PDE2A: variants seen among roughly 807,000 people sequenced by gnomAD.
PDE2A encodes phosphodiesterase 2A.
In PDE2A, 53 loss-of-function variants were observed where a neutral mutation model predicts 133.6. The ratio of observed to expected loss-of-function variants is 0.40; its 90% CI spans 0.32 to 0.50. PDE2A has a LOEUF of 0.50. Among genes scored for constraint, PDE2A ranks in the 20% least tolerant of loss-of-function variants. The pLI, the probability that PDE2A is intolerant of heterozygous loss-of-function variation, is 0.73. For missense variants in PDE2A, 796 were observed against 1,232.4 expected (o/e 0.65, Z 5.30); for synonymous variants, 491 against 490.2 (o/e 1.00, Z -0.02).
intron 4 of PDE2A, 112 bp downstream of exon 4, chr11:72,605,026 C>T (rs1033042277): frequency 1.7e-5 from 10 of 602,432 alleles, no homozygotes; most frequent in South Asian, 1.1e-4. Context: ...GGCAGGGAGG[C>T]GGGGATCAAT....
intron 2 of PDE2A, among the ~76,000 whole-genome samples, chr11:72,628,949 G>C (rs1373418292): frequency 6.6e-6 from 1 of 152,236 alleles, no homozygotes; most frequent in Non-Finnish European, 1.5e-5. Flanking sequence ...CTTCCCAGCA[G>C]TGCTGAGTAT....
At chr11:72,648,119 A>C (rs1396258528) in intron 1 of PDE2A, among the ~76,000 whole-genome samples, 3 of 152,188 alleles carry the variant, frequency 2.0e-5, no homozygotes, top group Non-Finnish European at 4.4e-5. Context: ...GCTCTAGCCC[A>C]GGTCAGAGAG....
intron 2 of PDE2A, among the ~76,000 whole-genome samples, chr11:72,612,274 T>TA (rs1857239729): frequency 3.1e-4 from 35 of 112,820 alleles, no homozygotes; most frequent in African/African-American, 1.2e-3. Flanking sequence ...GCACATCACA[T>TA]CCACACACAC....
At chr11:72,638,798 T>A (rs1455212205) in intron 2 of PDE2A, among the ~76,000 whole-genome samples, 1 of 152,004 alleles carries the variant, frequency 6.6e-6, no homozygotes, top group African/African-American at 2.4e-5. Flanking sequence ...CCAGAGACAA[T>A]GGGATAAAAA....
chr11:72,598,533 C>T (rs757017373), intron 4 of PDE2A: 7 of 1,289,168 alleles, frequency 5.4e-6, no homozygotes, highest in Non-Finnish European at 7.1e-6. Flanking sequence ...AATGTCACTC[C>T]TTGATGATTA....
At chr11:72,579,194 A>T in intron 27 of PDE2A, 90 bp downstream of exon 27, 2 of 1,048,440 alleles carry the variant, frequency 1.9e-6, no homozygotes, top group Non-Finnish European at 3.0e-6. Flanking sequence ...GTTGCAGGGG[A>T]TGGGTCTGCA....
chr11:72,673,676 T>C (rs1855435719), intron 1 of PDE2A, among the ~76,000 whole-genome samples: 1 of 151,966 alleles, frequency 6.6e-6, no homozygotes, highest in Admixed American at 6.6e-5. Flanking sequence ...CTCTTATTCA[T>C]ATTTTCTCCA....
At chr11:72,586,220 G>A (rs1397925319) in intron 13 of PDE2A, 39 bp from the exon 14 acceptor site, 1 of 1,214,916 alleles carries the variant, frequency 8.2e-7, no homozygotes, top group Non-Finnish European at 1.2e-6. Flanking sequence ...GGGAAGGGAA[G>A]ACTGGCTTCT....
chr11:72,610,417 G>A (rs56272973), intron 2 of PDE2A, among the ~76,000 whole-genome samples: 7,493 of 152,238 alleles, frequency 0.049, 314 homozygotes, highest in African/African-American at 0.11. Flanking sequence ...AAAGTTCCAC[G>A]CTGGGCTCTC....
At chr11:72,616,540 G>A (rs1382437342) in intron 2 of PDE2A, among the ~76,000 whole-genome samples, 2 of 152,258 alleles carry the variant, frequency 1.3e-5, no homozygotes, top group African/African-American at 4.8e-5. Flanking sequence ...ACTGTACTGT[G>A]AGGGCTACAT....
intron 2 of PDE2A, among the ~76,000 whole-genome samples, chr11:72,637,829 G>A (rs527294146): frequency 1.1e-4 from 16 of 152,230 alleles, no homozygotes; most frequent in Non-Finnish European, 2.4e-4. Context: ...AGAAAGTGGT[G>A]AGGGACAGGG....
At chr11:72,661,649 G>A (rs1183114551) in intron 1 of PDE2A, among the ~76,000 whole-genome samples, 1 of 152,234 alleles carries the variant, frequency 6.6e-6, no homozygotes, top group East Asian at 1.9e-4. Context: ...AAAAAGAGGA[G>A]GGCCTTGGGG....
intron 2 of PDE2A, among the ~76,000 whole-genome samples, chr11:72,633,285 T>C (rs1858512710): frequency 6.6e-6 from 1 of 152,090 alleles, no homozygotes; most frequent in African/African-American, 2.4e-5. Context: ...TGTCACCGCC[T>C]CCCCATTGTC....
chr11:72,592,051 C>T (rs967541251), intron 6 of PDE2A, among the ~76,000 whole-genome samples: 3 of 152,194 alleles, frequency 2.0e-5, no homozygotes, highest in Non-Finnish European at 4.4e-5. Flanking sequence ...CTCTCCACCA[C>T]CCCCATCATC....
intron 1 of PDE2A, among the ~76,000 whole-genome samples, chr11:72,645,085 C>T (rs1053367575): frequency 6.6e-6 from 1 of 152,204 alleles, no homozygotes; most frequent in Non-Finnish European, 1.5e-5. Flanking sequence ...TTACTTGAAT[C>T]TCTCAAACTA....
intron 18 of PDE2A, 55 bp from the exon 19 acceptor site, chr11:72,584,368 G>A: frequency 7.6e-7 from 1 of 1,319,126 alleles, no homozygotes; most frequent in South Asian, 1.2e-5. Context: ...TCGGTTGGAG[G>A]GAGGGATCCG....
chr11:72,598,534 TTGA>T (rs1341298227), intron 4 of PDE2A: 1 of 1,289,184 alleles, frequency 7.8e-7, no homozygotes, highest in East Asian at 5.6e-5. Flanking sequence ...ATGTCACTCC[TTGA>T]TGATTAATTG....
At chr11:72,652,429 G>A (rs1854765799) in intron 1 of PDE2A, 1 of 448,368 alleles carries the variant, frequency 2.2e-6, no homozygotes, top group South Asian at 1.6e-5. Flanking sequence ...GCTGCTTCTG[G>A]CAGAACCATT....
chr11:72,589,143 T>C, intron 12 of PDE2A, 32 bp downstream of exon 12: 2 of 1,588,620 alleles, frequency 1.3e-6, no homozygotes, highest in Non-Finnish European at 1.7e-6. Flanking sequence ...GGTCTCCTCT[T>C]TCCCCTCTGG....
Sources: gnomAD v4.1 joint callset for allele counts (sites outside exome capture counted in the v4.1 genomes callset) on GRCh38, gnomAD v4.1.1 for gene constraint, MANE v1.5 for transcripts, NCBI Gene and HGNC (gene_info 2026-07-23, HGNC 2026-07-21) for gene names.